The following KCTD16 variants were observed in gnomAD, a reference collection of about 807,000 sequenced individuals.
KCTD16 encodes the protein BTB/POZ domain-containing protein KCTD16.
In KCTD16, 13 loss-of-function variants were observed where a neutral mutation model predicts 33.2. That is an observed-to-expected ratio of 0.39 (90% confidence interval 0.25 to 0.62). KCTD16 has a LOEUF of 0.62. Among genes scored for constraint, KCTD16 ranks in the 20% least tolerant of loss-of-function variants. KCTD16 has a pLI of 0.50. For missense variants in KCTD16, 441 were observed against 525.1 expected (o/e 0.84, Z 1.57); for synonymous variants, 197 against 195.3 (o/e 1.01, Z -0.07).
intron 3 of KCTD16, among the ~76,000 whole-genome samples, chr5:144,350,625 G>T (rs540084936): frequency 2.0e-5 from 3 of 152,250 alleles, no homozygotes; most frequent in East Asian, 3.9e-4. Context: ...AGACATTTTA[G>T]TTTGGGCTGT....
rs188514396 is a variant in KCTD16, at chr5:144,360,314, T to C, written c.833-113346T>C. On this transcript the variant is annotated intron_variant, in intron 3 of 3. Transcript: ENST00000512467. ...CCTGCCCTGTGTCCATGTGTTCTCA[T>C]TTTTCAACTTCCACTTATGAGTGAG... Among the ~76,000 whole-genome samples, 190 of 152,272 alleles carry C rather than the reference T, an allele frequency of 1.2e-3. 2 individuals are homozygous for C. The highest frequency in any genetic ancestry group is 4.2e-3 in the African/African-American group (174 of 41,548).
At chr5:144,248,219 G>A (rs1178807994) in intron 3 of KCTD16, among the ~76,000 whole-genome samples, 1 of 152,172 alleles carries the variant, frequency 6.6e-6, no homozygotes, top group Non-Finnish European at 1.5e-5. Flanking sequence ...TTAAGAGAGA[G>A]TTACAAGGAT....
At chr5:144,219,581 C>T (rs1580797735) in intron 3 of KCTD16, among the ~76,000 whole-genome samples, 1 of 134,082 alleles carries the variant, frequency 7.5e-6, no homozygotes, top group African/African-American at 3.0e-5. Context: ...AGTGCAATGG[C>T]GCGATCTCGG....
intron 3 of KCTD16, among the ~76,000 whole-genome samples, chr5:144,472,207 G>A (rs1471167972): frequency 6.6e-6 from 1 of 152,130 alleles, no homozygotes; most frequent in Non-Finnish European, 1.5e-5. Flanking sequence ...ATATCATAAG[G>A]GAATTTGTTC....
intron 3 of KCTD16, among the ~76,000 whole-genome samples, chr5:144,406,794 C>T (rs948854476): frequency 7.9e-5 from 12 of 152,122 alleles, no homozygotes; most frequent in South Asian, 2.1e-4. Context: ...CCAACTAAGT[C>T]GGTGATATGC....
intron 3 of KCTD16, among the ~76,000 whole-genome samples, chr5:144,373,795 T>G (rs534359504): frequency 6.6e-6 from 1 of 152,356 alleles, no homozygotes; most frequent in South Asian, 2.1e-4. Flanking sequence ...TGATATTTAA[T>G]AATTGGTAAG....
At chr5:144,399,648 C>A (rs1021570639) in intron 3 of KCTD16, among the ~76,000 whole-genome samples, 29 of 152,138 alleles carry the variant, frequency 1.9e-4, no homozygotes, top group African/African-American at 6.8e-4. Flanking sequence ...TCATTGTAAT[C>A]TTCACTAGTC....
rs1404602145 is a variant in KCTD16 at position 144,480,193 on chromosome 5, T to C, written c.*6079T>C. ...CATGGCCATGTGCAATTTTTAGGTTTATGTCAGCTCAGTGGATAATGTGCG... is the reference window on the plus strand; with the variant it reads ...CATGGCCATGTGCAATTTTTAGGTTCATGTCAGCTCAGTGGATAATGTGCG... On this transcript the variant is annotated 3_prime_UTR_variant, in exon 4 of 4. Transcript: ENST00000512467. 1 of 151,928 alleles carries C rather than the reference T, an allele frequency of 6.6e-6. No homozygotes were observed. Among genetic ancestry groups the C allele is most frequent in the Non-Finnish European group, 1.5e-5 (1 of 67,912 alleles). 9.4% of individuals were successfully genotyped at this position (151,928 alleles called of 1,614,324 possible).
intron 3 of KCTD16, among the ~76,000 whole-genome samples, chr5:144,373,957 G>A (rs1274906380): frequency 6.6e-6 from 1 of 152,176 alleles, no homozygotes; most frequent in African/African-American, 2.4e-5. Context: ...TTGGCTCCTA[G>A]CTGCATCACT....
chr5:144,452,128 C>T (rs911532514), intron 3 of KCTD16, among the ~76,000 whole-genome samples: 7 of 142,392 alleles, frequency 4.9e-5, no homozygotes, highest in South Asian at 2.1e-4. Context: ...TCCCAAAACA[C>T]ATTAAATATA....
intron 3 of KCTD16, among the ~76,000 whole-genome samples, chr5:144,405,550 G>C (rs768647100): frequency 6.6e-6 from 1 of 152,026 alleles, no homozygotes; most frequent in African/African-American, 2.4e-5. Flanking sequence ...CTCTTCTTTA[G>C]ACCCCTGTCT....
At chr5:144,393,484 A>G (rs531945809) in intron 3 of KCTD16, among the ~76,000 whole-genome samples, 1 of 152,202 alleles carries the variant, frequency 6.6e-6, no homozygotes, top group South Asian at 2.1e-4. Flanking sequence ...CTCAACCCCT[A>G]GGCAACAAGT....
chr5:144,435,873 G>A (rs1753566599), intron 3 of KCTD16, among the ~76,000 whole-genome samples: 1 of 150,644 alleles, frequency 6.6e-6, no homozygotes, highest in Non-Finnish European at 1.5e-5. Flanking sequence ...TTATTCTGAT[G>A]CCATTCTCCA....
chr5:144,270,713 A>G (rs1178365391), intron 3 of KCTD16, among the ~76,000 whole-genome samples: 1 of 151,728 alleles, frequency 6.6e-6, no homozygotes, highest in African/African-American at 2.4e-5. Context: ...TAGAAAATGG[A>G]GAAAAATCAA....
At chr5:144,258,595 A>G (rs1223688963) in intron 3 of KCTD16, among the ~76,000 whole-genome samples, 2 of 152,246 alleles carry the variant, frequency 1.3e-5, no homozygotes, top group Non-Finnish European at 2.9e-5. Flanking sequence ...CTTAAGCACA[A>G]TATGCACATT....
Position 144,480,888 on chromosome 5 carries a change from C to T in KCTD16, c.*6774C>T, listed in dbSNP as rs1018800396. ...TTCTGTACCATATACGGGAAGTCTT[C>T]CAGGTCAATAAATAGGATAAAATAG... On this transcript the variant is annotated 3_prime_UTR_variant, in exon 4 of 4. Coordinates refer to ENST00000512467, the MANE Select transcript of KCTD16 (RefSeq NM_020768.4). 1 of 151,566 alleles carries T rather than the reference C, an allele frequency of 6.6e-6. No homozygotes were observed. The highest frequency in any genetic ancestry group is 2.4e-5 in the African/African-American group (1 of 41,276). 9.4% of individuals were successfully genotyped at this position (151,566 alleles called of 1,614,324 possible). A position where few individuals can be genotyped will look rare whatever the true frequency, so the allele number is the denominator to read the frequency against.
intron 3 of KCTD16, among the ~76,000 whole-genome samples, chr5:144,394,083 A>C (rs1217456796): frequency 4.0e-5 from 6 of 150,892 alleles, no homozygotes; most frequent in African/African-American, 1.5e-4. Context: ...TGCAGATGTG[A>C]AACAAGGAAA....
intron 3 of KCTD16, among the ~76,000 whole-genome samples, chr5:144,318,091 C>T (rs1351649273): frequency 1.3e-5 from 2 of 152,196 alleles, no homozygotes; most frequent in African/African-American, 4.8e-5. Flanking sequence ...CCTGGCTATG[C>T]AATGTTTCCT....
intron 3 of KCTD16, among the ~76,000 whole-genome samples, chr5:144,418,755 A>T (rs1334411666): frequency 6.6e-6 from 1 of 152,162 alleles, no homozygotes; most frequent in Non-Finnish European, 1.5e-5. Flanking sequence ...ATGTTTTAAT[A>T]TTGAAAATAT....
Sources: gnomAD v4.1 joint callset for allele counts (sites outside exome capture counted in the v4.1 genomes callset) on GRCh38, gnomAD v4.1.1 for gene constraint, MANE v1.5 for transcripts, NCBI Gene and HGNC (gene_info 2026-07-23, HGNC 2026-07-21) for gene names.